TGFBR3: variants seen among roughly 807,000 people sequenced by gnomAD.
TGFBR3 encodes the protein transforming growth factor beta receptor 3, also known as transforming growth factor beta receptor type 3.
In TGFBR3, 46 loss-of-function variants were observed where a neutral mutation model predicts 87.9. That is an observed-to-expected ratio of 0.52 (90% CI 0.41 to 0.67). TGFBR3 has a LOEUF of 0.67. Among genes scored for constraint, TGFBR3 ranks in the 30% least tolerant of loss-of-function variants. TGFBR3 has a pLI of 0.00. For synonymous variants in TGFBR3, 381 were observed against 391.6 expected, an observed-to-expected ratio of 0.97 and a Z score of 0.32; for missense variants, 866 against 1,041.9, an observed-to-expected ratio of 0.83 and a Z score of 2.32.
intron 5 of TGFBR3, 125 bp from the exon 6 acceptor site, chr1:91,730,098 T>C (rs1404133261): frequency 2.7e-6 from 3 of 1,107,714 alleles, no homozygotes; most frequent in Non-Finnish European, 4.0e-6. Context: ...CAAAGGATGG[T>C]TCTTCGTCTG....
At position 91,687,409 on chromosome 1, in the gene TGFBR3, A is replaced by C. The variant is rs573812045; in HGVS notation, c.2438-3552T>G. On this transcript the variant is annotated intron_variant, in intron 16 of 16. Transcript: ENST00000212355. ...TTAATGGAGAATGTTTTATTTCTTT[A>C]GCATGGCATGGAGTTGCCCAGATCT... Among the ~76,000 whole-genome samples the C allele has an allele frequency of 2.8e-3, 433 of 152,372 alleles. 2 individuals are homozygous for C. The highest frequency in any genetic ancestry group is 0.01 in the African/African-American group (421 of 41,594).
In TGFBR3 at chr1:91,680,766, C is replaced by G. The variant is rs1013464589; in HGVS notation, c.*2973G>C. ...GGTAGTTACAGTACAAAAAGACTGG[C>G]ACGCGTGTGAGCACCCCACACACAC... On this transcript the variant is annotated 3_prime_UTR_variant, in exon 17 of 17. Coordinates refer to ENST00000212355, the MANE Select transcript of TGFBR3 (RefSeq NM_003243.5). The G allele has an allele frequency of 4.4e-6, 2 of 453,948 alleles. No homozygotes were observed. The highest frequency in any genetic ancestry group is 4.0e-5 in the African/African-American group (2 of 49,982). 28.1% of individuals were successfully genotyped at this position (453,948 alleles called of 1,614,324 possible).
intron 1 of TGFBR3, among the ~76,000 whole-genome samples, chr1:91,884,552 A>G (rs1368364811): frequency 6.6e-6 from 1 of 152,180 alleles, no homozygotes; most frequent in Non-Finnish European, 1.5e-5. Context: ...TGTACACACA[A>G]ATCGGCCTGC....
chr1:91,842,456 G>A (rs1011419134), intron 2 of TGFBR3, among the ~76,000 whole-genome samples: 6 of 152,154 alleles, frequency 3.9e-5, no homozygotes, highest in Non-Finnish European at 5.9e-5. Context: ...CACCGCCACC[G>A]TTCTTGAGCA....
rs563199077 is a variant in TGFBR3, at chr1:91,694,404, T to C, written c.2437+1268A>G. 1.5e-4 allele frequency among the ~76,000 whole-genome samples: 23 copies of C among 152,388 alleles called. No homozygotes were observed. In the South Asian group the frequency reaches 4.6e-3, roughly 30 times the overall value. ...GCCAAGAGGTTGCCTTTTGGGTGAA[T>C]GTCCCATGCTAGGCATGAAAGAGTC... On this transcript the variant is annotated intron_variant, in intron 16 of 16. Coordinates refer to ENST00000212355, the MANE Select transcript of TGFBR3 (RefSeq NM_003243.5).
intron 3 of TGFBR3, among the ~76,000 whole-genome samples, chr1:91,764,795 C>T (rs572708466): frequency 1.2e-4 from 18 of 152,178 alleles, no homozygotes; most frequent in Admixed American, 5.2e-4. Flanking sequence ...GCCTAAAGTG[C>T]ACCACAGTGC....
intron 14 of TGFBR3, among the ~76,000 whole-genome samples, chr1:91,700,542 G>C (rs1372578768): frequency 6.6e-6 from 1 of 152,168 alleles, no homozygotes; most frequent in Non-Finnish European, 1.5e-5. Context: ...CAATTGAATG[G>C]TGCCCCCTGG....
intron 1 of TGFBR3, among the ~76,000 whole-genome samples, chr1:91,885,260 A>T (rs1425213237): frequency 6.6e-6 from 1 of 152,030 alleles, no homozygotes; most frequent in Non-Finnish European, 1.5e-5. Context: ...ATGCCCTAAT[A>T]AGATCAAGTC....
At chr1:91,744,745 C>A (rs1486283586) in intron 4 of TGFBR3, among the ~76,000 whole-genome samples, 2 of 152,152 alleles carry the variant, frequency 1.3e-5, no homozygotes, top group Non-Finnish European at 2.9e-5. Flanking sequence ...TGTTCTAGGC[C>A]ATAGATATGA....
intron 14 of TGFBR3, among the ~76,000 whole-genome samples, chr1:91,705,250 A>T (rs1671759217): frequency 7.2e-6 from 1 of 139,116 alleles, no homozygotes; most frequent in Non-Finnish European, 1.5e-5. Context: ...TTTGAGACAG[A>T]GTTTTGCTCT....
intron 4 of TGFBR3, among the ~76,000 whole-genome samples, chr1:91,754,391 T>C (rs1318024837): frequency 6.6e-6 from 1 of 152,214 alleles, no homozygotes; most frequent in Non-Finnish European, 1.5e-5. Context: ...TTATTTCTGA[T>C]TGTTCTCTGG....
At chr1:91,764,765 C>T (rs1034394941) in intron 3 of TGFBR3, among the ~76,000 whole-genome samples, 1 of 152,128 alleles carries the variant, frequency 6.6e-6, no homozygotes, top group Non-Finnish European at 1.5e-5. Flanking sequence ...ACTAACACAC[C>T]GCAGCCTTGC....
chr1:91,836,372 G>A (rs1015703113), intron 2 of TGFBR3, among the ~76,000 whole-genome samples: 35 of 152,084 alleles, frequency 2.3e-4, no homozygotes, highest in African/African-American at 7.2e-4. Flanking sequence ...ACAGTATCTC[G>A]TTAGATCTTC....
intron 7 of TGFBR3, among the ~76,000 whole-genome samples, chr1:91,723,615 G>A (rs900566712): frequency 1.3e-5 from 2 of 152,016 alleles, no homozygotes; most frequent in Non-Finnish European, 2.9e-5. Flanking sequence ...CAAGGACATG[G>A]AAGGTAAATT....
At chr1:91,903,915 TATA>T (rs1315780972) in intron 1 of TGFBR3, among the ~76,000 whole-genome samples, 2 of 152,186 alleles carry the variant, frequency 1.3e-5, no homozygotes, top group African/African-American at 4.8e-5. Flanking sequence ...GGCTCACGCC[TATA>T]ATCCTAGCAC....
At chr1:91,831,668 A>T (rs1425943401) in intron 2 of TGFBR3, among the ~76,000 whole-genome samples, 1 of 152,220 alleles carries the variant, frequency 6.6e-6, no homozygotes, top group East Asian at 1.9e-4. Flanking sequence ...AGAAACCTAA[A>T]CAGTTAAGAA....
At chr1:91,860,858 AGAG>A (rs1678154088) in intron 2 of TGFBR3, among the ~76,000 whole-genome samples, 1 of 142,868 alleles carries the variant, frequency 7.0e-6, no homozygotes, top group African/African-American at 2.6e-5. Context: ...CTTGAACCCA[AGAG>A]GAGGAGGTTG....
intron 1 of TGFBR3, chr1:91,866,614 A>G (rs959879781): frequency 1.3e-5 from 2 of 152,200 alleles, no homozygotes; most frequent in East Asian, 3.8e-4. Context: ...ACAAATCTTT[A>G]TTGCTTACTC....
Position 91,739,346 on chromosome 1 carries a change from C to T in TGFBR3, c.385-4387G>A, listed in dbSNP as rs114689839. On this transcript the variant is annotated intron_variant, in intron 4 of 16. Coordinates refer to ENST00000212355, the MANE Select transcript of TGFBR3 (RefSeq NM_003243.5). ...ACCCCCCAAGGTCTTTTCACCAGTT[C>T]GAGGCTTTTCTATCCTATCCTTATA... Among the ~76,000 whole-genome samples, 792 of 152,160 alleles carry T rather than the reference C, an allele frequency of 5.2e-3. 4 individuals are homozygous for T. Among genetic ancestry groups the T allele is most frequent in the African/African-American group, 9.9e-3 (412 of 41,472 alleles).
Sources: gnomAD v4.1 joint callset for allele counts (sites outside exome capture counted in the v4.1 genomes callset) on GRCh38, gnomAD v4.1.1 for gene constraint, MANE v1.5 for transcripts, NCBI Gene and HGNC (gene_info 2026-07-23, HGNC 2026-07-21) for gene names.